Variants in PDE4A observed in about 807,000 individuals in gnomAD.
PDE4A encodes the protein 3',5'-cyclic-AMP phosphodiesterase 4A.
A neutral mutation model predicts 73.9 loss-of-function variants in PDE4A; 21 were observed. That is an observed-to-expected ratio of 0.28 (90% confidence interval 0.20 to 0.41). The LOEUF (loss-of-function observed/expected upper bound fraction) is 0.41. PDE4A is among the 10% of genes least tolerant of loss of function. The pLI is 1.00. For synonymous variants in PDE4A, 463 were observed against 505.4 expected, an observed-to-expected ratio of 0.92 and a Z score of 1.13; for missense variants, 958 against 1,211.4, an observed-to-expected ratio of 0.79 and a Z score of 3.10.
At chr19:10,455,718 C>G (rs898336993) in intron 7 of PDE4A, among the ~76,000 whole-genome samples, 6 of 151,732 alleles carry the variant, frequency 4.0e-5, no homozygotes, top group Non-Finnish European at 8.8e-5. Flanking sequence ...TGAGATCACG[C>G]CACTGCTGCA....
upstream of PDE4A, chr19:10,416,984 G>C: frequency 1.9e-6 from 3 of 1,540,946 alleles, no homozygotes; most frequent in Non-Finnish European, 2.6e-6. Flanking sequence ...CAGGGACCGG[G>C]GACGAGGTGC....
chr19:10,449,183 C>A, intron 4 of PDE4A, 33 bp downstream of exon 4: 1 of 1,607,162 alleles, frequency 6.2e-7, no homozygotes, highest in South Asian at 1.1e-5. Context: ...CAGCTGTGAT[C>A]ATAAGGTGAA....
At position 10,461,872 on chromosome 19, in the gene PDE4A, C is replaced by A; in HGVS notation, c.1621-5C>A. On this transcript the variant is annotated splice_polypyrimidine_tract_variant and splice_region_variant and intron_variant, in intron 12 of 14. Transcript: ENST00000380702. ...GCGGCCCCAGTGACGCCCCCTTGCC[C>A]GCAGGTGCTGGCCACGGACATGTCC... 1 of 1,612,090 alleles carries A rather than the reference C, an allele frequency of 6.2e-7. No individual in the cohort carries two copies. The highest frequency in any genetic ancestry group is 8.5e-7 in the Non-Finnish European group (1 of 1,179,076).
chr19:10,459,257 T>C (rs112654392), intron 8 of PDE4A, 143 bp from the exon 9 acceptor site: 1 of 1,429,728 alleles, frequency 7.0e-7, no homozygotes. Context: ...ACGAGGGCAG[T>C]ACATTCTGTG....
chr19:10,417,425 G>C (rs2145432834), upstream of PDE4A: 2 of 985,126 alleles, frequency 2.0e-6, no homozygotes, highest in South Asian at 9.4e-5. Context: ...AGACCCCAAG[G>C]CTGGGGCATC....
intron 1 of PDE4A, among the ~76,000 whole-genome samples, chr19:10,430,003 A>G (rs2042766505): frequency 6.6e-6 from 1 of 151,806 alleles, no homozygotes; most frequent in Admixed American, 6.6e-5. Flanking sequence ...GTGGGAACCT[A>G]TATTCGGTCT....
chr19:10,460,314 C>G (rs1212498455), intron 10 of PDE4A, among the ~76,000 whole-genome samples: 2 of 151,628 alleles, frequency 1.3e-5, no homozygotes, highest in East Asian at 3.9e-4. Flanking sequence ...GCCTGACCAA[C>G]GTGGTGAAAC....
At chr19:10,459,129 G>T in intron 8 of PDE4A, 1 of 482,090 alleles carries the variant, frequency 2.1e-6, no homozygotes, top group Non-Finnish European at 3.7e-6. Context: ...TCGCCTCTCT[G>T]AGCCTTGGTG....
At chr19:10,419,078 T>TTTC (rs1490106462), upstream of PDE4A, 1 of 971,294 alleles carries the variant, frequency 1.0e-6, no homozygotes, top group Non-Finnish European at 1.2e-6. Context: ...TTTTTTTTTT[T>TTTC]TTCAAATAAG....
intron 7 of PDE4A, among the ~76,000 whole-genome samples, chr19:10,457,054 C>T (rs916234101): frequency 3.3e-5 from 5 of 152,034 alleles, no homozygotes; most frequent in African/African-American, 7.2e-5. Context: ...AAAAATTAGC[C>T]GGGCGCGGTG....
At chr19:10,428,585 T>C (rs2042748010) in intron 1 of PDE4A, among the ~76,000 whole-genome samples, 1 of 152,192 alleles carries the variant, frequency 6.6e-6, no homozygotes, top group East Asian at 1.9e-4. Flanking sequence ...TAACTGTAGC[T>C]CATATTGAGT....
Position 10,420,952 on chromosome 19 carries a change from G to C in PDE4A, c.188G>C (p.Arg63Pro), listed in dbSNP as rs2042642399. 9 of 1,559,882 alleles carry C rather than the reference G, an allele frequency of 5.8e-6. No homozygotes were observed. The highest frequency in any genetic ancestry group is 7.7e-6 in the Non-Finnish European group (9 of 1,162,130). The change falls in exon 1 of 15, where the codon CGG becomes CCG. Residue 63 changes from arginine (R) to proline (P), a missense_variant. Physicochemically the swap from Arg to Pro is moderately radical, Grantham distance 103. Coordinates refer to ENST00000380702, the MANE Select transcript of PDE4A (RefSeq NM_001111307.2). The surrounding 1 kb of genome is among the most constrained non-coding windows in gnomAD (Gnocchi z 6.0). ...GCCGAGCGGGAGCGGCAGCCGCACC[G>C]GCCCATAGAGCGCGCCGATGCCATG... ...ERAERERQPH[R>P]PIERADAMDT...
At position 10,453,159 on chromosome 19, in the gene PDE4A, C is replaced by T; in HGVS notation, c.784-1670C>T. 6.9e-7 allele frequency: 1 copy of T among 1,452,132 alleles called. No individual in the cohort carries two copies. The highest frequency in any genetic ancestry group is 2.7e-5 in the East Asian group (1 of 37,142). 90.0% of individuals were successfully genotyped at this position (1,452,132 alleles called of 1,614,324 possible). A position where few individuals can be genotyped will look rare whatever the true frequency, so the allele number is the denominator to read the frequency against. On this transcript the variant is annotated intron_variant, in intron 6 of 14. Transcript: ENST00000380702. The surrounding 1 kb of genome is among the most constrained non-coding windows in gnomAD (Gnocchi z 4.6). ...CCAGGCCCCTCCGCGGCTCCCCCTT[C>T]CACTACCCACCTGCCCGGCACCCCC...
chr19:10,459,967 G>A (rs2043236882), intron 10 of PDE4A, among the ~76,000 whole-genome samples: 2 of 151,862 alleles, frequency 1.3e-5, no homozygotes, highest in African/African-American at 2.4e-5. Flanking sequence ...TGCAACCTCT[G>A]CCTCCCGGGT....
At chr19:10,422,118 G>T (rs1203665658) in intron 1 of PDE4A, among the ~76,000 whole-genome samples, 1 of 152,146 alleles carries the variant, frequency 6.6e-6, no homozygotes, top group East Asian at 1.9e-4. Flanking sequence ...GGGATAGAGT[G>T]ACTGTTTCTG....
Position 10,461,602 on chromosome 19 carries a change from G to T in PDE4A, c.1542G>T (p.Leu514=), listed in dbSNP as rs779748050. 5 of 1,613,710 alleles carry T rather than the reference G, an allele frequency of 3.1e-6. No homozygotes were observed. Among genetic ancestry groups the T allele is most frequent in the Non-Finnish European group, 4.2e-6 (5 of 1,179,870 alleles). ...ACCTGGCCGTGGGCTTCAAGCTGCT[G>T]CAGGAGGACAACTGCGACATCTTCC... The part of the protein sequence containing the change: ...NHHLAVGFKL[L]QEDNCDIFQN... The change falls in exon 12 of 15, where the codon CTG becomes CTT. Residue 514 remains leucine, a synonymous_variant. Coordinates refer to ENST00000380702, the MANE Select transcript of PDE4A (RefSeq NM_001111307.2).
In PDE4A at chr19:10,452,151, T is replaced by C. The variant is rs1455380839; in HGVS notation, c.783+1210T>C. 2.0e-5 allele frequency among the ~76,000 whole-genome samples: 3 copies of C among 151,678 alleles called. No homozygotes were observed. The East Asian group carries it at 5.8e-4, about 29-fold the overall frequency. Reference sequence around the variant, plus strand: ...GTGGATATTTGCAATGGTTGGAAAGTGTGTCTGTGGGTGTGTTTAGTGTGT... The same window carrying C: ...GTGGATATTTGCAATGGTTGGAAAGCGTGTCTGTGGGTGTGTTTAGTGTGT... On this transcript the variant is annotated intron_variant, in intron 6 of 14. Coordinates refer to ENST00000380702, the MANE Select transcript of PDE4A (RefSeq NM_001111307.2).
At chr19:10,445,047 AGTC>A (rs1405148215) in intron 1 of PDE4A, among the ~76,000 whole-genome samples, 1 of 152,124 alleles carries the variant, frequency 6.6e-6, no homozygotes, top group Non-Finnish European at 1.5e-5. Flanking sequence ...GGGAAGGGAA[AGTC>A]GTGGGACAGG....
intron 6 of PDE4A, among the ~76,000 whole-genome samples, chr19:10,454,219 G>T (rs1047939724): frequency 1.3e-5 from 2 of 152,134 alleles, no homozygotes; most frequent in African/African-American, 4.8e-5. Context: ...ATCAAACTGG[G>T]ATTTCCTCAG....
Sources: allele counts gnomAD v4.1 joint callset (sites outside exome capture counted in the v4.1 genomes callset), GRCh38; gene constraint gnomAD v4.1.1; non-coding constraint Gnocchi (gnomAD v3.1); transcripts MANE v1.5; gene names NCBI Gene and HGNC (gene_info 2026-07-23, HGNC 2026-07-21).